The following ALK variants were observed in gnomAD, a reference collection of about 807,000 sequenced individuals.
ALK encodes ALK tyrosine kinase receptor.
ALK carries 74 observed loss-of-function variants against 163.1 expected under a neutral mutation model. The observed-to-expected ratio is 0.45, with a 90% CI of 0.38 to 0.55. The LOEUF (loss-of-function observed/expected upper bound fraction) is 0.55. Ranked by LOEUF, ALK falls within the 20% of genes least tolerant of loss-of-function variation. The pLI, the probability that ALK is intolerant of heterozygous loss-of-function variation, is 0.00. For missense variants in ALK, 2,063 were observed against 2,105.3 expected, an observed-to-expected ratio of 0.98 and a Z score of 0.39; for synonymous variants, 960 against 843.2, an observed-to-expected ratio of 1.14 and a Z score of -2.40.
At chr2:29,201,589 C>G (rs533425168) in intron 26 of ALK, among the ~76,000 whole-genome samples, 12 of 152,128 alleles carry the variant, frequency 7.9e-5, no homozygotes. Context: ...GAGTTCGAGA[C>G]CAGCCTGGCC....
chr2:29,284,035 A>G (rs895932784), intron 9 of ALK, among the ~76,000 whole-genome samples: 1 of 152,228 alleles, frequency 6.6e-6, no homozygotes, highest in African/African-American at 2.4e-5. Context: ...TGCCCCCTAT[A>G]GAGCTAGAAG....
chr2:29,879,526 C>T (rs945661083), intron 1 of ALK, among the ~76,000 whole-genome samples: 6 of 152,324 alleles, frequency 3.9e-5, no homozygotes, highest in South Asian at 2.1e-4. Flanking sequence ...GCTCTTTAGG[C>T]ATCAGACACC....
intron 1 of ALK, among the ~76,000 whole-genome samples, chr2:29,893,010 G>C (rs1667183032): frequency 6.6e-6 from 1 of 152,168 alleles, no homozygotes; most frequent in South Asian, 2.1e-4. Flanking sequence ...TTCCCCATTA[G>C]GGCACAGTAC....
chr2:29,853,595 C>T (rs1164668115), intron 1 of ALK, among the ~76,000 whole-genome samples: 2 of 152,188 alleles, frequency 1.3e-5, no homozygotes, highest in African/African-American at 4.8e-5. Flanking sequence ...CTCTGCTCTC[C>T]CTACCTACCA....
chr2:29,306,276 G>A (rs988437411), intron 8 of ALK, among the ~76,000 whole-genome samples: 4 of 152,196 alleles, frequency 2.6e-5, no homozygotes, highest in South Asian at 2.1e-4. Context: ...GCTTAGAGAC[G>A]TTAAGTCAGT....
chr2:29,878,572 A>G (rs1666780362), intron 1 of ALK, among the ~76,000 whole-genome samples: 1 of 152,220 alleles, frequency 6.6e-6, no homozygotes, highest in African/African-American at 2.4e-5. Flanking sequence ...TTTTAAAACA[A>G]CTTCCCCTAG....
intron 3 of ALK, among the ~76,000 whole-genome samples, chr2:29,676,974 T>C (rs1001724397): frequency 2.0e-5 from 3 of 152,094 alleles, no homozygotes; most frequent in Non-Finnish European, 4.4e-5. Context: ...TTAATATTGA[T>C]TTTGTATCTG....
intron 5 of ALK, among the ~76,000 whole-genome samples, chr2:29,373,163 C>T (rs945294674): frequency 4.6e-5 from 7 of 152,048 alleles, no homozygotes; most frequent in African/African-American, 1.7e-4. Flanking sequence ...TTTTAATTAC[C>T]CAGGCAGAGT....
intron 4 of ALK, among the ~76,000 whole-genome samples, chr2:29,395,963 A>G (rs541073440): frequency 6.6e-6 from 1 of 152,282 alleles, no homozygotes; most frequent in East Asian, 1.9e-4. Context: ...GAAGCCTCCC[A>G]TGTCATGGAA....
intron 3 of ALK, among the ~76,000 whole-genome samples, chr2:29,675,541 C>T (rs1169406743): frequency 6.6e-6 from 1 of 151,994 alleles, no homozygotes; most frequent in African/African-American, 2.4e-5. Flanking sequence ...ACCCTCAGTA[C>T]CTTGAAGGAT....
chr2:29,457,429 T>C (rs1376071518), intron 4 of ALK, among the ~76,000 whole-genome samples: 1 of 152,142 alleles, frequency 6.6e-6, no homozygotes, highest in Non-Finnish European at 1.5e-5. Flanking sequence ...CAAACAGTAC[T>C]TCTCTAAGGC....
At chr2:29,744,480 C>T (rs1389617571) in intron 1 of ALK, among the ~76,000 whole-genome samples, 3 of 152,146 alleles carry the variant, frequency 2.0e-5, no homozygotes, top group Non-Finnish European at 4.4e-5. Context: ...CTCTGGTCAA[C>T]TCTAGCTCGC....
chr2:29,228,614 C>G (rs1388877826), intron 16 of ALK, among the ~76,000 whole-genome samples: 1 of 152,032 alleles, frequency 6.6e-6, no homozygotes, highest in Non-Finnish European at 1.5e-5. Context: ...GTCTGGCAAG[C>G]CAAAGCCTCT....
chr2:29,787,288 A>G (rs1255685248), intron 1 of ALK, among the ~76,000 whole-genome samples: 2 of 152,212 alleles, frequency 1.3e-5, no homozygotes, highest in African/African-American at 4.8e-5. Flanking sequence ...ACTATGTCCG[A>G]GACACAGTGC....
At chr2:29,624,310 C>G (rs563651832) in intron 3 of ALK, among the ~76,000 whole-genome samples, 4 of 152,266 alleles carry the variant, frequency 2.6e-5, no homozygotes, top group Non-Finnish European at 5.9e-5. Context: ...TGATTTAGGT[C>G]TTTTATAAAA....
chr2:29,750,942 C>A (rs754071325), intron 1 of ALK, among the ~76,000 whole-genome samples: 1 of 151,778 alleles, frequency 6.6e-6, no homozygotes, highest in African/African-American at 2.4e-5. Context: ...TGGTGGCCTG[C>A]GCCAGTAGTC....
chr2:29,511,888 C>T (rs1672530391), intron 4 of ALK, among the ~76,000 whole-genome samples: 2 of 152,020 alleles, frequency 1.3e-5, no homozygotes, highest in Non-Finnish European at 2.9e-5. Context: ...TGTTTCATGG[C>T]CATTTGTATA....
intron 4 of ALK, among the ~76,000 whole-genome samples, chr2:29,396,836 GTTT>G (rs10654058): frequency 6.4e-5 from 3 of 46,604 alleles, no homozygotes; most frequent in Admixed American, 8.6e-4. Flanking sequence ...TGTTACTATG[GTTT>G]TTTTTTTTTT....
At chr2:29,648,663 A>G (rs1183372971) in intron 3 of ALK, among the ~76,000 whole-genome samples, 3 of 152,064 alleles carry the variant, frequency 2.0e-5, no homozygotes, top group African/African-American at 7.2e-5. Flanking sequence ...AGCCTCACTC[A>G]TGTGGTAGCA....
Sources: gnomAD v4.1 joint callset for allele counts (sites outside exome capture counted in the v4.1 genomes callset) on GRCh38, gnomAD v4.1.1 for gene constraint, MANE v1.5 for transcripts, NCBI Gene and HGNC (gene_info 2026-07-23, HGNC 2026-07-21) for gene names.